The following KIAA0825 variants were observed in gnomAD, a reference collection of about 807,000 sequenced individuals.
The protein encoded by KIAA0825 is uncharacterized protein KIAA0825.
Under a neutral mutation model 147.6 loss-of-function variants are expected in KIAA0825, and 119 were observed. The observed-to-expected ratio is 0.81, with a 90% CI of 0.69 to 0.94. The LOEUF is 0.94. Among genes scored for constraint, KIAA0825 ranks in the 40% least tolerant of loss-of-function variants. The probability of loss-of-function intolerance (pLI) is 0.00; values close to 1 mark genes in which losing one functional copy is unlikely to be tolerated. For synonymous variants in KIAA0825, 470 were observed against 518.1 expected, an observed-to-expected ratio of 0.91 and a Z score of 1.26; for missense variants, 1,381 against 1,472.7, an observed-to-expected ratio of 0.94 and a Z score of 1.02.
intron 12 of KIAA0825, among the ~76,000 whole-genome samples, chr5:94,461,240 G>T (rs1481232345): frequency 6.6e-6 from 1 of 151,930 alleles, no homozygotes; most frequent in East Asian, 1.9e-4. Context: ...GACAAAGCAT[G>T]AAATTCAATA....
chr5:94,581,251 C>G (rs563527527), intron 2 of KIAA0825, among the ~76,000 whole-genome samples: 1 of 152,128 alleles, frequency 6.6e-6, no homozygotes, highest in Non-Finnish European at 1.5e-5. Context: ...AACGTCATGT[C>G]TTGTTATTTG....
intron 20 of KIAA0825, among the ~76,000 whole-genome samples, chr5:94,234,816 T>C (rs542291453): frequency 9.9e-5 from 15 of 152,208 alleles, no homozygotes; most frequent in South Asian, 8.3e-4. Flanking sequence ...ACCTCCAACA[T>C]TGGGGATTAC....
chr5:94,589,362 G>A (rs1382340568), intron 1 of KIAA0825, among the ~76,000 whole-genome samples: 1 of 152,152 alleles, frequency 6.6e-6, no homozygotes, highest in African/African-American at 2.4e-5. Context: ...CTGCAGCAAA[G>A]TCTACTATTG....
At chr5:94,456,812 T>G (rs2150929740) in intron 12 of KIAA0825, among the ~76,000 whole-genome samples, 1 of 152,302 alleles carries the variant, frequency 6.6e-6, no homozygotes, top group Non-Finnish European at 1.5e-5. Context: ...CTTAAAAAAG[T>G]CTATGGCCAT....
chr5:94,357,466 TAAAC>T (rs1488053852), intron 20 of KIAA0825, among the ~76,000 whole-genome samples: 3 of 152,184 alleles, frequency 2.0e-5, no homozygotes, highest in Non-Finnish European at 2.9e-5. Context: ...TAAAACAAAA[TAAAC>T]AACATTTTAT....
intron 1 of KIAA0825, among the ~76,000 whole-genome samples, chr5:94,587,002 C>T (rs1337942240): frequency 2.0e-5 from 3 of 152,136 alleles, no homozygotes; most frequent in Non-Finnish European, 2.9e-5. Context: ...ACCTTTCATG[C>T]TAAAAATTCT....
rs1479817375 is a variant in KIAA0825 at position 94,479,962 on chromosome 5, C to A, written c.1133-2757G>T. On this transcript the variant is annotated intron_variant, in intron 6 of 20. Coordinates refer to ENST00000682413, the MANE Select transcript of KIAA0825 (RefSeq NM_001145678.3). ...GTTTTCTTGTTGAATTTTAAGAGTT[C>A]TTTGTATATTTTGGATACAAGTTCT... Among the ~76,000 whole-genome samples the A allele has an allele frequency of 5.9e-5, 9 of 151,938 alleles. 1 individual carries two copies. The highest frequency in any genetic ancestry group is 2.0e-4 in the Admixed American group (3 of 15,248).
chr5:94,429,784 C>T (rs1002873058), intron 14 of KIAA0825, among the ~76,000 whole-genome samples: 6 of 152,198 alleles, frequency 3.9e-5, no homozygotes, highest in Non-Finnish European at 5.9e-5. Flanking sequence ...AGCCCCCAAG[C>T]GCCCAGAAGT....
At chr5:94,519,932 T>G (rs67076442) in intron 5 of KIAA0825, 303,714 of 814,128 alleles carry the variant, frequency 0.37, 59,157 homozygotes, top group African/African-American at 0.65. Flanking sequence ...TATATACTCA[T>G]TTATATATAT....
chr5:94,195,051 C>G (rs1416074996), intron 20 of KIAA0825, among the ~76,000 whole-genome samples: 3 of 152,198 alleles, frequency 2.0e-5, no homozygotes, highest in East Asian at 1.9e-4. Context: ...GTAACTTACT[C>G]AAGGTCACAA....
intron 2 of KIAA0825, among the ~76,000 whole-genome samples, chr5:94,543,472 A>G (rs1188154446): frequency 6.6e-6 from 1 of 151,848 alleles, no homozygotes; most frequent in East Asian, 1.9e-4. Flanking sequence ...AAAAATAAAA[A>G]TAAAATAAAA....
At chr5:94,368,277 A>G (rs1746149031) in intron 20 of KIAA0825, among the ~76,000 whole-genome samples, 1 of 152,196 alleles carries the variant, frequency 6.6e-6, no homozygotes. Context: ...GGCTCAAGCA[A>G]TCCTGCCACC....
intron 1 of KIAA0825, among the ~76,000 whole-genome samples, chr5:94,583,097 G>A (rs1561351307): frequency 6.6e-6 from 1 of 152,082 alleles, no homozygotes; most frequent in Admixed American, 6.5e-5. Context: ...ACAGCTCCCA[G>A]CGAGATCGAC....
intron 3 of KIAA0825, among the ~76,000 whole-genome samples, chr5:94,530,376 T>C (rs933790561): frequency 2.0e-5 from 3 of 151,858 alleles, no homozygotes; most frequent in Non-Finnish European, 4.4e-5. Context: ...ATTTGAACTC[T>C]TGGGCTCAAG....
chr5:94,322,217 C>T (rs1780258615), intron 20 of KIAA0825, among the ~76,000 whole-genome samples: 1 of 151,898 alleles, frequency 6.6e-6, no homozygotes, highest in Non-Finnish European at 1.5e-5. Context: ...TACAGATGTA[C>T]TAAGCCACAT....
At chr5:94,557,804 T>C (rs751909981) in intron 2 of KIAA0825, among the ~76,000 whole-genome samples, 1 of 152,198 alleles carries the variant, frequency 6.6e-6, no homozygotes, top group Non-Finnish European at 1.5e-5. Flanking sequence ...TCCCTTTGTA[T>C]AGGAGCTCTG....
intron 20 of KIAA0825, among the ~76,000 whole-genome samples, chr5:94,235,352 C>T (rs1480950129): frequency 6.6e-6 from 1 of 152,224 alleles, no homozygotes. Context: ...AAACCACCAC[C>T]AACATTCCCT....
Position 94,210,686 on chromosome 5 carries a change from C to CT in KIAA0825, c.3711-56563dup, listed in dbSNP as rs202095082. On this transcript the variant is annotated intron_variant, in intron 20 of 20. Transcript: ENST00000682413. ...CTTGCTTTAAAAGAAACAGAAAATT[C>CT]TTTTTTTACAAACTACAGAAAGAGC... Among the ~76,000 whole-genome samples the CT allele has an allele frequency of 1.0e-3, 157 of 152,170 alleles. 3 individuals carry two copies. The East Asian group carries it at 0.023, about 22-fold the overall frequency.
At chr5:94,574,543 C>CAAAAAAAAAAAAAAA (rs1181241238) in intron 2 of KIAA0825, among the ~76,000 whole-genome samples, 183 of 65,498 alleles carry the variant, frequency 2.8e-3, no homozygotes, top group Non-Finnish European at 3.6e-3. Context: ...GACTCCATCT[C>CAAAAAAAAAAAAAAA]AAAAAAAAAA....
Sources: gnomAD v4.1 joint callset for allele counts (sites outside exome capture counted in the v4.1 genomes callset) on GRCh38, gnomAD v4.1.1 for gene constraint, MANE v1.5 for transcripts, NCBI Gene and HGNC (gene_info 2026-07-23, HGNC 2026-07-21) for gene names.